The following SEC16A variants were observed in gnomAD, a reference collection of about 807,000 sequenced individuals.
SEC16A encodes the protein SEC16 homolog A, endoplasmic reticulum export factor.
In SEC16A, 110 loss-of-function variants were observed where a neutral mutation model predicts 221.9. That is an observed-to-expected ratio of 0.50 (90% CI 0.42 to 0.58). The LOEUF (loss-of-function observed/expected upper bound fraction) is 0.58, where lower values mean the gene tolerates loss of function less well. Among genes scored for constraint, SEC16A ranks in the 20% least tolerant of loss-of-function variants. The probability of loss-of-function intolerance (pLI) is 0.00; values close to 1 mark genes in which losing one functional copy is unlikely to be tolerated. For missense variants in SEC16A, 3,165 were observed against 3,097.8 expected (o/e 1.02, Z -0.52); for synonymous variants, 1,393 against 1,257.7 (o/e 1.11, Z -2.28).
At chr9:136,457,337 C>G (rs888974784) in intron 18 of SEC16A, 107 bp downstream of exon 18, 4 of 1,293,666 alleles carry the variant, frequency 3.1e-6, no homozygotes, top group South Asian at 1.5e-5. Context: ...GAGCGCCTAC[C>G]ACAATGCGCG....
rs1403371752 is a variant in SEC16A at position 136,471,973 on chromosome 9, A to C, written c.3704+2T>G. On this transcript the variant is annotated splice_donor_variant, in intron 4 of 31. Transcript: ENST00000684901. LOFTEE classifies it high-confidence loss of function. ...AGGCAGCCAGGGTGGGCGCGGCCGC[A>C]CCTGGGAGGTGGCCGTTCCGAGGAG... The C allele has an allele frequency of 6.2e-7, 1 of 1,611,444 alleles. No homozygotes were observed. The highest frequency in any genetic ancestry group is 8.5e-7 in the Non-Finnish European group (1 of 1,179,756).
In SEC16A at chr9:136,475,379, G is replaced by A. The variant is rs369787385; in HGVS notation, c.2237C>T (p.Ala746Val). 45 of 1,609,310 alleles carry A rather than the reference G, an allele frequency of 2.8e-5. No homozygotes were observed. The highest frequency in any genetic ancestry group is 3.3e-4 in the Middle Eastern group (2 of 6,042). ...CTGAGGTTTTGCACACACATAAAGC[G>A]CCGGGGCTGCAGGGGCCAGAAGGAC... Reference protein sequence around the residue: ...GNVLLAPAAPALYVCAKPQPP... With the variant: ...GNVLLAPAAPVLYVCAKPQPP... The change falls in exon 3 of 32, where the codon GCG becomes GTG. Residue 746 changes from alanine to valine, a missense_variant. Transcript: ENST00000684901. This position sits in a 1 kb window ranked among gnomAD's most constrained non-coding sequence, Gnocchi z 5.0.
rs561161606 is a variant in SEC16A at position 136,471,451 on chromosome 9, A to T, written c.3704+524T>A. 5.3e-5 allele frequency among the ~76,000 whole-genome samples: 8 copies of T among 152,284 alleles called. No homozygotes were observed. In the South Asian group the frequency reaches 1.7e-3, roughly 32 times the overall value. ...ATGGCACCATTGCACTCCAGCTTGG[A>T]CAACAGAGTGAGACCTGCCTTAAAA... On this transcript the variant is annotated intron_variant, in intron 4 of 31. Coordinates refer to ENST00000684901, the MANE Select transcript of SEC16A (RefSeq NM_014866.2).
chr9:136,469,088 G>T (rs925044447), intron 4 of SEC16A, among the ~76,000 whole-genome samples: 1 of 152,062 alleles, frequency 6.6e-6, no homozygotes, highest in Non-Finnish European at 1.5e-5. Flanking sequence ...GGGGTCAAGC[G>T]ATCCACCCAC....
intron 12 of SEC16A, among the ~76,000 whole-genome samples, chr9:136,461,997 A>G (rs1839546255): frequency 6.6e-6 from 1 of 151,744 alleles, no homozygotes; most frequent in South Asian, 2.1e-4. Context: ...AGTCCCAGCT[A>G]CTCAGGAGGC....
chr9:136,472,079 C>T lies in SEC16A; in HGVS notation c.3600G>A (p.Arg1200=), dbSNP rs1333799526. The T allele has an allele frequency of 1.9e-6, 3 of 1,613,698 alleles. No homozygotes were observed. In the East Asian group the frequency reaches 6.7e-5, roughly 36 times the overall value. The change falls in exon 4 of 32, where the codon AGG becomes AGA. Residue 1200 remains arginine, a synonymous_variant. Coordinates refer to ENST00000684901, the MANE Select transcript of SEC16A (RefSeq NM_014866.2). The part of the protein sequence containing the change: ...DVYSLYEPRY[R]PYDGAASAYA... ...AAGCAGACGCAGCACCATCATAGGGCCTGTATCGAGGCTCATAGAGGCTGT... is the reference window on the plus strand; with the variant it reads ...AAGCAGACGCAGCACCATCATAGGGTCTGTATCGAGGCTCATAGAGGCTGT...
At chr9:136,450,215 A>G (rs551630181) in intron 23 of SEC16A, among the ~76,000 whole-genome samples, 1 of 152,182 alleles carries the variant, frequency 6.6e-6, no homozygotes, top group Non-Finnish European at 1.5e-5. Flanking sequence ...AAACAAACAA[A>G]CAAACAAACA....
chr9:136,445,187 G>T, intron 29 of SEC16A, 76 bp from the exon 30 acceptor site: 1 of 1,295,440 alleles, frequency 7.7e-7, no homozygotes, highest in Non-Finnish European at 1.1e-6. Context: ...CAAGCTGTCA[G>T]TTCCATTTCA....
In SEC16A at chr9:136,454,239, C is replaced by T. The variant is rs769481339; in HGVS notation, c.5946G>A (p.Pro1982=). Residue 1982 remains proline (P), a synonymous_variant, in exon 21 of 32, where the codon CCG becomes CCA. Coordinates refer to ENST00000684901, the MANE Select transcript of SEC16A (RefSeq NM_014866.2). Reference sequence around the variant, plus strand: ...GCCCTGGGGTCACACAGCCAGGACCCGGCTCCAGGGGCCCCGGGGGCAGTG... The same window carrying T: ...GCCCTGGGGTCACACAGCCAGGACCTGGCTCCAGGGGCCCCGGGGGCAGTG... The part of the protein sequence containing the change: ...PVPLPPGPLE[P]GPGCVTPGPA... The T allele has an allele frequency of 1.1e-5, 17 of 1,574,022 alleles. No homozygotes were observed. Among genetic ancestry groups the T allele is most frequent in the South Asian group, 1.0e-4 (9 of 85,774 alleles).
chr9:136,468,094 C>T (rs1048724575), intron 5 of SEC16A, among the ~76,000 whole-genome samples: 2 of 152,186 alleles, frequency 1.3e-5, no homozygotes, highest in African/African-American at 2.4e-5. Flanking sequence ...TTTATGTTTA[C>T]GAAGGCACGT....
chr9:136,463,590 T>C lies in SEC16A; in HGVS notation c.4520A>G (p.His1507Arg). 3 of 1,613,822 alleles carry C rather than the reference T, an allele frequency of 1.9e-6. No homozygotes were observed. The highest frequency in any genetic ancestry group is 2.5e-6 in the Non-Finnish European group (3 of 1,179,824). The change falls in exon 11 of 32, where the codon CAT (histidine) becomes CGT (arginine). Residue 1507 changes from histidine (H) to arginine (R), a missense_variant. Physicochemically the swap from His to Arg is conservative, Grantham distance 29. Around this residue, in one of 3 missense-constraint regions of SEC16A, gnomAD observed 47 missense variants for 85.0 expected, o/e 0.55. Transcript: ENST00000684901. ...FPGPLAKDDTHKVDVINFAQN... is the reference protein window; with the variant it reads ...FPGPLAKDDTRKVDVINFAQN... ...TGCAAAATTAATGACATCCACCTTA[T>C]GGGTGTCGTCTCTGCAGAAAGAACA...
At chr9:136,443,970 C>T in intron 30 of SEC16A, 70 bp from the exon 31 acceptor site, 1 of 1,071,452 alleles carries the variant, frequency 9.3e-7, no homozygotes, top group Non-Finnish European at 1.4e-6. Context: ...AGTGCAGATA[C>T]AGACACCGCT....
At position 136,457,429 on chromosome 9, in the gene SEC16A, C is replaced by T. The variant is rs776441156; in HGVS notation, c.5550+15G>A. 8.8e-6 allele frequency: 14 copies of T among 1,593,402 alleles called. No homozygotes were observed. The highest frequency in any genetic ancestry group is 4.6e-5 in the East Asian group (2 of 43,810). On this transcript the variant is annotated intron_variant, in intron 18 of 31. Transcript: ENST00000684901. ...GTCAGCACAGCATCCCGAGGACAGG[C>T]GCCAGGGGCAGCACCTGCACAAGCT... is the stretch of plus-strand genomic sequence containing the variant.
rs1367148309 is a variant in SEC16A at position 136,468,522 on chromosome 9, C to A, written c.3705-10G>T. 6.4e-7 allele frequency: 1 copy of A among 1,554,578 alleles called. No individual in the cohort carries two copies. The highest frequency in any genetic ancestry group is 1.1e-5 in the South Asian group (1 of 89,612). ...TTCAGGATATCCTTGCCTGAAAAAA[C>A]ACACAGTGCTGTTAAAACACAAATT... On this transcript the variant is annotated splice_polypyrimidine_tract_variant and intron_variant, in intron 4 of 31. Transcript: ENST00000684901.
At chr9:136,454,452 G>A in intron 20 of SEC16A, 125 bp from the exon 21 acceptor site, 1 of 928,864 alleles carries the variant, frequency 1.1e-6, no homozygotes, top group Non-Finnish European at 1.7e-6. Context: ...TTATAAGGGA[G>A]GTCCAACAGA....
chr9:136,444,796 T>C (rs2131754003), intron 30 of SEC16A, among the ~76,000 whole-genome samples: 1 of 151,028 alleles, frequency 6.6e-6, no homozygotes. Context: ...GGAGGATGGC[T>C]TGAACCCAGG....
chr9:136,477,508 A>G lies in SEC16A; in HGVS notation c.108T>C (p.Asn36=), dbSNP rs747830768. ...WASSPYRRRA[N]NNAAVAPTTC... ...TTGTCGGAGCCACTGCTGCATTATT[A>G]TTAGCCCGTCTCCTGTAAGGGCTGC... Residue 36 remains asparagine (N), a synonymous_variant, in exon 3 of 32, where the codon AAT becomes AAC. Transcript: ENST00000684901. 1 of 1,613,848 alleles carries G rather than the reference A, an allele frequency of 6.2e-7. No individual in the cohort carries two copies. The highest frequency in any genetic ancestry group is 8.5e-7 in the Non-Finnish European group (1 of 1,179,868).
At chr9:136,484,666 C>T (rs550007422), upstream of SEC16A, 160 of 1,366,196 alleles carry the variant, frequency 1.2e-4, no homozygotes, top group South Asian at 1.7e-3. Context: ...GGGGTGATAT[C>T]CGTGCCACGC....
intron 29 of SEC16A, 77 bp downstream of exon 29, chr9:136,445,568 T>C (rs1422090436): frequency 2.7e-6 from 3 of 1,117,080 alleles, no homozygotes; most frequent in Non-Finnish European, 3.9e-6. Flanking sequence ...CGCCCCTCCA[T>C]AAAGGAAGAG....
Sources: gnomAD v4.1 joint callset for allele counts (sites outside exome capture counted in the v4.1 genomes callset) on GRCh38, gnomAD v4.1.1 for gene constraint, gnomAD v4.1.1 regional missense constraint, Gnocchi (gnomAD v3.1) non-coding constraint, MANE v1.5 for transcripts, NCBI Gene and HGNC (gene_info 2026-07-23, HGNC 2026-07-21) for gene names.